The following FFAR1 variants were observed in gnomAD, a reference collection of about 807,000 sequenced individuals.
FFAR1 encodes the protein free fatty acid receptor 1.
For missense variants in FFAR1, 424 were observed against 396.2 expected (o/e 1.07, Z -0.60); for synonymous variants, 216 against 201.5 (o/e 1.07, Z -0.61).
Position 35,352,381 on chromosome 19 carries a change from GT to G in FFAR1, c.832del (p.Tyr278ThrfsTer8). 6.4e-7 allele frequency: 1 copy of G among 1,553,916 alleles called. No individual in the cohort carries two copies. Among genetic ancestry groups the G allele is most frequent in the Non-Finnish European group, 8.7e-7 (1 of 1,148,358 alleles). On this transcript the variant is annotated frameshift_variant, in exon 1 of 1. Transcript: ENST00000246553. LOFTEE classifies it low-confidence loss of function (END_TRUNC). ...GTGGTGCTTAATCCGCTGGTGACCG[GT>G]TACTTGGGAAGGGGTCCTGGCCTGA...
chr19:35,348,540 G>A (rs112276953), upstream of FFAR1, among the ~76,000 whole-genome samples: 2,091 of 152,226 alleles, frequency 0.014, 45 homozygotes, highest in African/African-American at 0.046. Flanking sequence ...CGGAGGTAGC[G>A]GTGAGCCGAG....
At chr19:35,351,426 G>A (rs947589871), upstream of FFAR1, 1 of 806,076 alleles carries the variant, frequency 1.2e-6, no homozygotes, top group African/African-American at 1.7e-5. Flanking sequence ...CAGGTGAATT[G>A]TAATTCTCCA....
exon 1 of FFAR1, chr19:35,352,539 G>A: frequency 1.4e-6 from 2 of 1,438,446 alleles, no homozygotes; most frequent in Non-Finnish European, 1.9e-6. Context: ...CGGAGGAACT[G>A]CAGGGCAGCC....
chr19:35,349,644 C>G (rs1273776011), upstream of FFAR1, among the ~76,000 whole-genome samples: 4 of 152,200 alleles, frequency 2.6e-5, no homozygotes, highest in Admixed American at 6.5e-5. Flanking sequence ...GCTGTCCCCC[C>G]TGAAGCCTGG....
chr19:35,352,555 C>A (rs1599702224), exon 1 of FFAR1: 2 of 1,324,234 alleles, frequency 1.5e-6, no homozygotes, highest in South Asian at 1.5e-5. Flanking sequence ...CAGCCTGGCC[C>A]GGAGGCCTCC....
At chr19:35,353,594 A>C (rs947684848) in exon 1 of FFAR1, 4 of 152,278 alleles carry the variant, frequency 2.6e-5, no homozygotes. Context: ...CATTATTAGA[A>C]AGAGAAAATA....
chr19:35,352,690 G>A, exon 1 of FFAR1: 1 of 583,672 alleles, frequency 1.7e-6, no homozygotes, highest in East Asian at 2.8e-5. Context: ...GAGGAAGTTT[G>A]TCCCTTCCTC....
At chr19:35,352,289 C>A in exon 1 of FFAR1, 4 of 1,552,190 alleles carry the variant, frequency 2.6e-6, no homozygotes, top group Non-Finnish European at 3.5e-6. Context: ...CCAACGTGGC[C>A]AGCTTCCTGT....
At chr19:35,351,650 C>T (rs1599701411) in exon 1 of FFAR1, 2 of 1,548,878 alleles carry the variant, frequency 1.3e-6, no homozygotes, top group Non-Finnish European at 1.7e-6. Flanking sequence ...CGACGGCCCA[C>T]GCCCGGCTCC....
At chr19:35,348,827 A>C (rs12975589), upstream of FFAR1, among the ~76,000 whole-genome samples, 53,242 of 152,092 alleles carry the variant, frequency 0.35, 10,284 homozygotes, top group Non-Finnish European at 0.45. Context: ...TTTTTAAGGC[A>C]AGATACCCTG....
upstream of FFAR1, among the ~76,000 whole-genome samples, chr19:35,348,383 G>A (rs2066929981): frequency 6.6e-6 from 1 of 152,212 alleles, no homozygotes; most frequent in African/African-American, 2.4e-5. Flanking sequence ...CAGATCACCT[G>A]AGGTCAGGAG....
exon 1 of FFAR1, chr19:35,352,439 C>G: frequency 3.9e-6 from 6 of 1,553,758 alleles, no homozygotes; most frequent in Non-Finnish European, 5.2e-6. Context: ...CGCAAGGGGG[C>G]AAGTCCCAGA....
chr19:35,350,612 C>G (rs1390780883), upstream of FFAR1, among the ~76,000 whole-genome samples: 1 of 152,208 alleles, frequency 6.6e-6, no homozygotes, highest in Non-Finnish European at 1.5e-5. Flanking sequence ...CAATTCCTCC[C>G]TGGCCCCTCT....
chr19:35,353,261 G>C (rs1372348713), exon 1 of FFAR1: 1 of 152,224 alleles, frequency 6.6e-6, no homozygotes, highest in Admixed American at 6.5e-5. Flanking sequence ...CGGGAAGACT[G>C]CTCGAAGCCA....
Position 35,352,668 on chromosome 19 carries a change from C to T in FFAR1, c.*214C>T, listed in dbSNP as rs568399583. 1.7e-3 allele frequency: 1,029 copies of T among 598,706 alleles called. 15 individuals carry two copies. Among genetic ancestry groups the T allele is most frequent in the South Asian group, 0.015 (713 of 48,382 alleles). The allele number at this position is 598,706 out of a possible 1,614,324, so 37.1% of individuals were successfully genotyped here. On this transcript the variant is annotated 3_prime_UTR_variant, in exon 1 of 1. Coordinates refer to ENST00000246553, the Ensembl canonical transcript of FFAR1. Reference sequence around the variant, plus strand: ...GGTGGCAGGGGGAGGTAAGTTTGCCCCTGCACGTGTCGAGGAAGTTTGTCC... The same window carrying T: ...GGTGGCAGGGGGAGGTAAGTTTGCCTCTGCACGTGTCGAGGAAGTTTGTCC...
In FFAR1 at chr19:35,352,592, G is replaced by T. The variant is rs1599702229; in HGVS notation, c.*138G>T. The T allele has an allele frequency of 2.1e-5, 19 of 896,836 alleles. No homozygotes were observed. In the South Asian group the frequency reaches 3.3e-4, roughly 16 times the overall value. The allele number at this position is 896,836 out of a possible 1,614,324, so 55.6% of individuals were successfully genotyped here. On this transcript the variant is annotated 3_prime_UTR_variant, in exon 1 of 1. Coordinates refer to ENST00000246553, the Ensembl canonical transcript of FFAR1. ...TGGAGCCACTCAAGCAGAGAGCGGC[G>T]CCTGCTGAGGGCAGCACCCCAGTCA...
At chr19:35,351,638 C>A in exon 1 of FFAR1, 4 of 1,545,690 alleles carry the variant, frequency 2.6e-6, no homozygotes, top group East Asian at 2.4e-5. Flanking sequence ...CCATCCGAGG[C>A]GCGACGGCCC....
chr19:35,351,828 G>C lies in FFAR1; in HGVS notation c.277G>C (p.Gly93Arg), dbSNP rs762954324. Residue 93 changes from glycine (G) to arginine (R), a missense_variant, in exon 1 of 1, where the codon GGC (glycine) becomes CGC (arginine). Transcript: ENST00000246553. ...GGCCCACTTCTTCCCACTCTATGCC[G>C]GCGGGGGCTTCCTGGCCGCCCTGAG... The C allele has an allele frequency of 3.7e-6, 6 of 1,610,184 alleles. No homozygotes were observed. In the Admixed American group the frequency reaches 6.7e-5, roughly 18 times the overall value.
At chr19:35,349,972 A>G (rs1276033932), upstream of FFAR1, among the ~76,000 whole-genome samples, 1 of 152,170 alleles carries the variant, frequency 6.6e-6, no homozygotes, top group Non-Finnish European at 1.5e-5. Context: ...CCAGTGGGAA[A>G]CATGAAAGGC....
Sources: allele counts gnomAD v4.1 joint callset (sites outside exome capture counted in the v4.1 genomes callset), GRCh38; gene constraint gnomAD v4.1.1; transcripts MANE v1.5; gene names NCBI Gene and HGNC (gene_info 2026-07-23, HGNC 2026-07-21).